EMG1: variants seen among roughly 807,000 people sequenced by gnomAD.
EMG1 encodes the protein EMG1 N1-specific pseudouridine methyltransferase.
In EMG1, 24 loss-of-function variants were observed where a neutral mutation model predicts 26.9. The ratio of observed to expected loss-of-function variants is 0.89; its 90% confidence interval spans 0.65 to 1.26. The LOEUF (loss-of-function observed/expected upper bound fraction) is 1.26. Ranked by LOEUF, EMG1 falls within the 50% of genes most tolerant of loss-of-function variation. EMG1 has a pLI of 0.00. For synonymous variants in EMG1, 140 were observed against 112.6 expected (o/e 1.24, Z -1.54); for missense variants, 299 against 307.6 (o/e 0.97, Z 0.21).
At chr12:6,986,094 A>G (rs1167816696) in intron 6 of EMG1, among the ~76,000 whole-genome samples, 4 of 151,584 alleles carry the variant, frequency 2.6e-5, no homozygotes, top group Non-Finnish European at 5.9e-5. Context: ...TTTTTTTTTA[A>G]TTGCTGTTCC....
chr12:6,982,759 G>T (rs1946483839), downstream of EMG1: 1 of 1,613,652 alleles, frequency 6.2e-7, no homozygotes, highest in Non-Finnish European at 8.5e-7. Flanking sequence ...ACAATACACA[G>T]CAGGGAGTGG....
chr12:6,972,065 ACT>A (rs1491365517), intron 1 of EMG1, among the ~76,000 whole-genome samples: 3 of 134,040 alleles, frequency 2.2e-5, no homozygotes, highest in African/African-American at 5.6e-5. Flanking sequence ...TTCTAAATAC[ACT>A]TTTTTTTTTT....
chr12:6,996,265 G>A (rs1351010599), intron 7 of EMG1, among the ~76,000 whole-genome samples: 1 of 152,188 alleles, frequency 6.6e-6, no homozygotes, highest in Non-Finnish European at 1.5e-5. Flanking sequence ...GCACAGATAA[G>A]CTCAAATCCT....
chr12:6,974,259 T>C (rs1329814388), intron 1 of EMG1, 80 bp from the exon 2 acceptor site: 17 of 1,010,316 alleles, frequency 1.7e-5, no homozygotes, highest in Non-Finnish European at 2.4e-5. Flanking sequence ...TGCTGGTAGT[T>C]TGGGGACCAC....
chr12:6,987,082 C>T lies in EMG1; in HGVS notation c.*155-700C>T, dbSNP rs1248425424. ...GAGCTGAGATCACGCCATTGCACTC[C>T]AGCTTGGGCAACGAGCAAGATTCTG... On this transcript the variant is annotated intron_variant and NMD_transcript_variant, in intron 6 of 7. Transcript: ENST00000261406. This position sits in a 1 kb window ranked among gnomAD's most constrained non-coding sequence, Gnocchi z 4.1. Among the ~76,000 whole-genome samples the T allele has an allele frequency of 6.6e-6, 1 of 151,356 alleles. No homozygotes were observed. The highest frequency in any genetic ancestry group is 1.9e-4 in the East Asian group (1 of 5,180).
At chr12:6,981,227 C>A, downstream of EMG1, 1 of 1,506,256 alleles carries the variant, frequency 6.6e-7, no homozygotes, top group Non-Finnish European at 9.0e-7. Context: ...CCTTGAATCT[C>A]CCCACAAGAG....
chr12:6,977,645 G>A lies in EMG1; in HGVS notation c.*1836G>A. ...AGGAATTCCATCTGGAAGCAGACCA[G>A]GTATCCTGAGTGCAGGCCGTGCCAG... On this transcript the variant is annotated 3_prime_UTR_variant, in exon 6 of 6. Coordinates refer to ENST00000599672, the MANE Select transcript of EMG1 (RefSeq NM_006331.8). The surrounding 1 kb of genome is among the most constrained non-coding windows in gnomAD (Gnocchi z 4.5). 6.2e-7 allele frequency: 1 copy of A among 1,614,242 alleles called. No individual in the cohort carries two copies. Among genetic ancestry groups the A allele is most frequent in the South Asian group, 1.1e-5 (1 of 91,084 alleles).
rs56951656 is a variant in EMG1, at chr12:6,987,111, C to CAA, written c.*155-662_*155-661dup. On this transcript the variant is annotated intron_variant and NMD_transcript_variant, in intron 6 of 7. Coordinates refer to the EMG1 transcript ENST00000261406. The surrounding 1 kb of genome is among the most constrained non-coding windows in gnomAD (Gnocchi z 4.1). ...TTGGGCAACGAGCAAGATTCTGTCTCAAAAAAAAAAGAAAAAAAAGTTTTA... is the reference window on the plus strand; with the variant it reads ...TTGGGCAACGAGCAAGATTCTGTCTCAAAAAAAAAAAAGAAAAAAAAGTTTTA... Among the ~76,000 whole-genome samples, 2,680 of 145,086 alleles carry CAA rather than the reference C, an allele frequency of 0.018. 85 individuals carry two copies. Among genetic ancestry groups the CAA allele is most frequent in the African/African-American group, 0.061 (2,466 of 40,158 alleles).
intron 7 of EMG1, chr12:6,988,037 T>A (rs1361643188): frequency 5.2e-6 from 2 of 383,788 alleles, no homozygotes; most frequent in African/African-American, 4.1e-5. Flanking sequence ...ACCATAACCT[T>A]ATTTTAAAGG....
chr12:6,977,867 C>T lies in EMG1; in HGVS notation c.*2058C>T, dbSNP rs1163656930. ...GCTGGTGGGTTCCCACGTGTAGCCC[C>T]CAGAGGGTACAGGAGGCAGTGCTGA... On this transcript the variant is annotated 3_prime_UTR_variant, in exon 6 of 6. Coordinates refer to ENST00000599672, the MANE Select transcript of EMG1 (RefSeq NM_006331.8). The surrounding 1 kb of genome is among the most constrained non-coding windows in gnomAD (Gnocchi z 4.5). The T allele has an allele frequency of 4.3e-6, 5 of 1,163,838 alleles. No individual in the cohort carries two copies. The highest frequency in any genetic ancestry group is 3.0e-5 in the African/African-American group (2 of 65,608). 72.1% of individuals were successfully genotyped at this position (1,163,838 alleles called of 1,614,324 possible). A position where few individuals can be genotyped will look rare whatever the true frequency, so the allele number is the denominator to read the frequency against.
chr12:6,994,984 C>A (rs1025439580), intron 7 of EMG1, among the ~76,000 whole-genome samples: 1 of 152,200 alleles, frequency 6.6e-6, no homozygotes, highest in Non-Finnish European at 1.5e-5. Flanking sequence ...GACAGATCCA[C>A]ATCTTTAGTT....
chr12:6,974,508 C>G, intron 2 of EMG1, 44 bp from the exon 3 acceptor site: 1 of 1,608,856 alleles, frequency 6.2e-7, no homozygotes, highest in Non-Finnish European at 8.5e-7. Flanking sequence ...CTGAGTGCTG[C>G]CTCTCTTCAG....
chr12:6,986,935 G>A (rs1403076987), intron 6 of EMG1, among the ~76,000 whole-genome samples: 3 of 151,860 alleles, frequency 2.0e-5, no homozygotes, highest in Non-Finnish European at 2.9e-5. Context: ...CCAACATGGT[G>A]AAACCCCATC....
chr12:6,989,103 CAA>C (rs1319084626), downstream of EMG1, among the ~76,000 whole-genome samples: 1 of 149,674 alleles, frequency 6.7e-6, no homozygotes, highest in African/African-American at 2.5e-5. Context: ...AGCCTGGCAA[CAA>C]GAGCGAAACT....
In EMG1 at chr12:6,978,357, T is replaced by G. The variant is rs1555153591; in HGVS notation, c.*2548T>G. The G allele has an allele frequency of 1.2e-6, 2 of 1,611,142 alleles. No homozygotes were observed. The highest frequency in any genetic ancestry group is 1.7e-6 in the Non-Finnish European group (2 of 1,178,524). ...GCAGCTCACCGGGCCACCCAGGCGTTGGTGTTGATGTTGAATGAGGCAATG... is the reference window on the plus strand; with the variant it reads ...GCAGCTCACCGGGCCACCCAGGCGTGGGTGTTGATGTTGAATGAGGCAATG... On this transcript the variant is annotated 3_prime_UTR_variant, in exon 6 of 6. Coordinates refer to ENST00000599672, the MANE Select transcript of EMG1 (RefSeq NM_006331.8).
downstream of EMG1, among the ~76,000 whole-genome samples, chr12:6,990,712 C>A (rs150229473): frequency 4.2e-4 from 64 of 151,062 alleles, 3 homozygotes; most frequent in East Asian, 0.012. Context: ...CACTTGAGGT[C>A]AGGAGTTTGA....
At position 6,973,305 on chromosome 12, in the gene EMG1, C is replaced by T. The variant is rs782231003; in HGVS notation, c.169-1034C>T. Among the ~76,000 whole-genome samples, 3 of 152,196 alleles carry T rather than the reference C, an allele frequency of 2.0e-5. No individual in the cohort carries two copies. In the East Asian group the frequency reaches 5.8e-4, roughly 29 times the overall value. On this transcript the variant is annotated intron_variant, in intron 1 of 5. Transcript: ENST00000599672. ...ACCTTAGCCTCCCAAGTAGCTAGGA[C>T]TACAGGCATGTGCCACCATGCCCAG...
downstream of EMG1, among the ~76,000 whole-genome samples, chr12:6,989,239 C>T (rs1185383269): frequency 6.6e-6 from 1 of 151,694 alleles, no homozygotes; most frequent in Non-Finnish European, 1.5e-5. Context: ...ACCTTTAGTA[C>T]ACTCCAAACC....
rs782598532 is a variant in EMG1, at chr12:6,975,225, T to G, written c.472-4T>G. 2 of 1,613,978 alleles carry G rather than the reference T, an allele frequency of 1.2e-6. No homozygotes were observed. The highest frequency in any genetic ancestry group is 4.5e-5 in the East Asian group (2 of 44,880). ...GGCTGACTTTTCTCTCTTTTTTACTTTAGGTAATTAAGAATCCAGTATCAG... is the reference window on the plus strand; with the variant it reads ...GGCTGACTTTTCTCTCTTTTTTACTGTAGGTAATTAAGAATCCAGTATCAG... On this transcript the variant is annotated splice_polypyrimidine_tract_variant and splice_region_variant and intron_variant, in intron 4 of 5. Coordinates refer to ENST00000599672, the MANE Select transcript of EMG1 (RefSeq NM_006331.8).
Sources: allele counts gnomAD v4.1 joint callset (sites outside exome capture counted in the v4.1 genomes callset), GRCh38; gene constraint gnomAD v4.1.1; non-coding constraint Gnocchi (gnomAD v3.1); transcripts MANE v1.5; gene names NCBI Gene and HGNC (gene_info 2026-07-23, HGNC 2026-07-21).